Variants in CCDC30 observed in about 807,000 individuals in gnomAD.
CCDC30 encodes the protein coiled-coil domain-containing protein 30.
In CCDC30, 70 loss-of-function variants were observed where a neutral mutation model predicts 100.2. That is an observed-to-expected ratio of 0.70 (90% CI 0.58 to 0.85). The LOEUF is 0.85. Among genes scored for constraint, CCDC30 ranks in the 40% least tolerant of loss-of-function variants. The pLI, the probability that CCDC30 is intolerant of heterozygous loss-of-function variation, is 0.00. For missense variants in CCDC30, 652 were observed against 771.2 expected (o/e 0.85, Z 1.83); for synonymous variants, 233 against 269.5 (o/e 0.86, Z 1.33).
intron 9 of CCDC30, among the ~76,000 whole-genome samples, chr1:42,584,605 C>CAA (rs5773782): frequency 2.6e-5 from 4 of 151,362 alleles, no homozygotes; most frequent in East Asian, 3.9e-4. Context: ...GACTCCATCT[C>CAA]AAAAAAAAGA....
chr1:42,605,008 A>G (rs1646475512), intron 10 of CCDC30, among the ~76,000 whole-genome samples: 1 of 152,212 alleles, frequency 6.6e-6, no homozygotes. Flanking sequence ...TGTATATTTT[A>G]GTCCTACAGT....
At chr1:42,602,298 G>T (rs1240022465) in intron 10 of CCDC30, among the ~76,000 whole-genome samples, 1 of 151,532 alleles carries the variant, frequency 6.6e-6, no homozygotes, top group Non-Finnish European at 1.5e-5. Context: ...AAAAAATTTT[G>T]AAGAAATCAA....
intron 6 of CCDC30, 65 bp from the exon 9 acceptor site, chr1:42,545,345 T>TG: frequency 7.6e-7 from 1 of 1,311,698 alleles, no homozygotes; most frequent in East Asian, 2.5e-5. Context: ...ATCAGTATAC[T>TG]TTTTTTCACA....
chr1:42,596,156 T>C lies in CCDC30; in HGVS notation c.1164+6673T>C, dbSNP rs572761642. Among the ~76,000 whole-genome samples the C allele has an allele frequency of 3.1e-4, 47 of 152,276 alleles. No homozygotes were observed. Among genetic ancestry groups the C allele is most frequent in the African/African-American group, 1.1e-3 (47 of 41,556 alleles). Reference sequence around the variant, plus strand: ...ACAACTTACTGGAGCAAAACCTTCATGAGGACCAGTGCCCAGGTATGGAAA... The same window carrying C: ...ACAACTTACTGGAGCAAAACCTTCACGAGGACCAGTGCCCAGGTATGGAAA... On this transcript the variant is annotated intron_variant, in intron 10 of 16. Transcript: ENST00000668663. The surrounding 1 kb of genome is among the most constrained non-coding windows in gnomAD (Gnocchi z 4.3).
At chr1:42,569,739 A>G (rs943531437) in intron 7 of CCDC30, among the ~76,000 whole-genome samples, 5 of 152,246 alleles carry the variant, frequency 3.3e-5, no homozygotes, top group Non-Finnish European at 7.3e-5. Context: ...ATGCCCATCA[A>G]TGATAGACTG....
chr1:42,512,508 T>G (rs1451175083), intron 6 of CCDC30, among the ~76,000 whole-genome samples: 1 of 152,184 alleles, frequency 6.6e-6, no homozygotes, highest in Non-Finnish European at 1.5e-5. Context: ...GTTATATCCT[T>G]TGTTACTATA....
intron 6 of CCDC30, among the ~76,000 whole-genome samples, chr1:42,505,401 G>A (rs1263939667): frequency 6.6e-6 from 1 of 152,050 alleles, no homozygotes; most frequent in Non-Finnish European, 1.5e-5. Context: ...AGCAGGGCTA[G>A]CCTAAAATGT....
intron 6 of CCDC30, among the ~76,000 whole-genome samples, chr1:42,552,961 A>G (rs1427177032): frequency 1.3e-5 from 2 of 152,020 alleles, no homozygotes; most frequent in East Asian, 3.9e-4. Flanking sequence ...CCTTATCCCT[A>G]CTTGGCCTTC....
At chr1:42,477,231 C>A (rs369693850) in intron 1 of CCDC30, among the ~76,000 whole-genome samples, 3 of 151,894 alleles carry the variant, frequency 2.0e-5, no homozygotes, top group East Asian at 3.9e-4. Flanking sequence ...ATGTGTTTTT[C>A]TTTGTTTTGT....
chr1:42,577,929 C>T (rs12140968), intron 8 of CCDC30, among the ~76,000 whole-genome samples: 32,604 of 152,026 alleles, frequency 0.21, 4,562 homozygotes, highest in Non-Finnish European at 0.29. Context: ...CATGAGCCAC[C>T]GCGCCTGGCC....
At chr1:42,641,362 G>GC (rs1000901468) in intron 12 of CCDC30, among the ~76,000 whole-genome samples, 16 of 151,948 alleles carry the variant, frequency 1.1e-4, no homozygotes, top group African/African-American at 3.4e-4. Context: ...ACAGGTGTGA[G>GC]CCATGGCACC....
At position 42,545,162 on chromosome 1, in the gene CCDC30, T is replaced by TAAAAAAAA. The variant is rs57060353; in HGVS notation, c.457-21115_457-21108dup. Reference sequence around the variant, plus strand: ...CAACCCCAGAGTCCAAAAATACCTTTAAAAAAAAAAAAAAAAAAAAAAAAA... The same window carrying TAAAAAAAA: ...CAACCCCAGAGTCCAAAAATACCTTTAAAAAAAAAAAAAAAAAAAAAAAAAAAAAAAAA... On this transcript the variant is annotated intron_variant, in intron 6 of 16. Transcript: ENST00000668663. Among the ~76,000 whole-genome samples, 292 of 64,584 alleles carry TAAAAAAAA rather than the reference T, an allele frequency of 4.5e-3. 1 individual carries two copies. Among genetic ancestry groups the TAAAAAAAA allele is most frequent in the Non-Finnish European group, 7.8e-3 (238 of 30,448 alleles). The allele number at this position is 64,584 out of a possible 152,430, so 42.4% of individuals were successfully genotyped here.
chr1:42,651,511 A>C (rs944668433), intron 15 of CCDC30, among the ~76,000 whole-genome samples: 2 of 152,110 alleles, frequency 1.3e-5, no homozygotes, highest in African/African-American at 2.4e-5. Context: ...ATGGAAATGC[A>C]CATTAAAACC....
chr1:42,575,341 TA>T (rs1439619095), intron 7 of CCDC30, among the ~76,000 whole-genome samples: 6 of 152,104 alleles, frequency 3.9e-5, no homozygotes, highest in Non-Finnish European at 5.9e-5. Flanking sequence ...GCCTTGGTAT[TA>T]AGACATGAAT....
At chr1:42,547,732 T>C (rs1194445006) in intron 6 of CCDC30, among the ~76,000 whole-genome samples, 1 of 152,158 alleles carries the variant, frequency 6.6e-6, no homozygotes, top group Non-Finnish European at 1.5e-5. Context: ...TTATCTCCTA[T>C]TCCCCTCTTC....
chr1:42,525,356 T>A (rs1176884612), intron 6 of CCDC30, among the ~76,000 whole-genome samples: 1 of 152,204 alleles, frequency 6.6e-6, no homozygotes. Flanking sequence ...AGTTTGATAA[T>A]TTCTATTGTT....
intron 6 of CCDC30, among the ~76,000 whole-genome samples, chr1:42,563,773 A>C (rs978441827): frequency 2.0e-5 from 3 of 151,876 alleles, no homozygotes; most frequent in African/African-American, 7.3e-5. Context: ...GCTACTCAAG[A>C]GGCTGAGGCA....
intron 11 of CCDC30, among the ~76,000 whole-genome samples, chr1:42,619,707 T>C (rs1646794872): frequency 6.6e-6 from 1 of 152,158 alleles, no homozygotes; most frequent in African/African-American, 2.4e-5. Context: ...TTTCAGACTC[T>C]CAGTGAATCT....
chr1:42,572,637 G>A (rs1231981214), intron 7 of CCDC30, among the ~76,000 whole-genome samples: 1 of 151,878 alleles, frequency 6.6e-6, no homozygotes, highest in Non-Finnish European at 1.5e-5. Context: ...TTATTTTTGA[G>A]ATGGAGTCTC....
Sources: allele counts gnomAD v4.1 joint callset (sites outside exome capture counted in the v4.1 genomes callset), GRCh38; gene constraint gnomAD v4.1.1; non-coding constraint Gnocchi (gnomAD v3.1); transcripts MANE v1.5; gene names NCBI Gene and HGNC (gene_info 2026-07-23, HGNC 2026-07-21).